Variants in CNR2 observed in about 807,000 individuals in gnomAD.
CNR2 encodes the protein cannabinoid receptor 2 (macrophage).
For synonymous variants in CNR2, 172 were observed against 182.2 expected (o/e 0.94, Z 0.45); for missense variants, 379 against 439.9 (o/e 0.86, Z 1.24).
At chr1:23,906,678 G>A (rs924122454) in intron 1 of CNR2, among the ~76,000 whole-genome samples, 5 of 150,828 alleles carry the variant, frequency 3.3e-5, no homozygotes, top group South Asian at 2.1e-4. Context: ...CACCGCACCC[G>A]GCCAATTCAT....
At chr1:23,882,345 G>C (rs1435089894) in intron 1 of CNR2, among the ~76,000 whole-genome samples, 2 of 152,058 alleles carry the variant, frequency 1.3e-5, no homozygotes, top group African/African-American at 4.8e-5. Context: ...CACGTTACCA[G>C]TCTGATGTGT....
chr1:23,876,687 T>C (rs1639881263), intron 1 of CNR2, among the ~76,000 whole-genome samples: 1 of 151,772 alleles, frequency 6.6e-6, no homozygotes, highest in Admixed American at 6.6e-5. Flanking sequence ...TACAAAAAAT[T>C]AGCTGGGCGT....
intron 1 of CNR2, among the ~76,000 whole-genome samples, chr1:23,895,648 A>G (rs916021500): frequency 1.3e-5 from 2 of 152,162 alleles, no homozygotes; most frequent in Non-Finnish European, 2.9e-5. Flanking sequence ...CTGGGAGTAC[A>G]GGTGCGCGCC....
intron 1 of CNR2, among the ~76,000 whole-genome samples, chr1:23,905,274 G>A (rs1020985373): frequency 1.3e-5 from 2 of 149,300 alleles, no homozygotes; most frequent in African/African-American, 2.5e-5. Flanking sequence ...TCCGCCTCCC[G>A]GGTTCAATCG....
At chr1:23,882,455 G>A (rs1640007789) in intron 1 of CNR2, among the ~76,000 whole-genome samples, 1 of 152,130 alleles carries the variant, frequency 6.6e-6, no homozygotes, top group Admixed American at 6.6e-5. Context: ...GAAATTGTGA[G>A]ACATTAAAAT....
At chr1:23,876,915 T>C (rs1639893016) in intron 1 of CNR2, among the ~76,000 whole-genome samples, 1 of 151,424 alleles carries the variant, frequency 6.6e-6, no homozygotes, top group Non-Finnish European at 1.5e-5. Flanking sequence ...GAAAAAACCC[T>C]CAGGAACCTA....
chr1:23,906,737 T>C (rs2148471391), intron 1 of CNR2, among the ~76,000 whole-genome samples: 1 of 151,794 alleles, frequency 6.6e-6, no homozygotes. Flanking sequence ...ATAAAATAGG[T>C]TTCATTTAGC....
chr1:23,891,275 T>TTGTGTGTGTGTGTGTGTGTG (rs57856234), intron 1 of CNR2, among the ~76,000 whole-genome samples: 123 of 150,434 alleles, frequency 8.2e-4, no homozygotes, highest in African/African-American at 2.8e-3. Context: ...ACCAAATCTT[T>TTGTGTGTGTGTGTGTGTGTG]TGTGTGTGTG....
At chr1:23,904,204 G>A (rs1273055595) in intron 1 of CNR2, among the ~76,000 whole-genome samples, 2 of 140,074 alleles carry the variant, frequency 1.4e-5, no homozygotes, top group Admixed American at 7.6e-5. Context: ...TTGGAGTCTC[G>A]CTCTGTCACC....
Position 23,875,030 on chromosome 1 carries a change from C to G in CNR2, c.588G>C (p.Leu196=). ...TTCCGGAAAAGAGGAAGGCGATGAA[C>G]AGGAGCCAGCTCAGCAGGTAGTCAT... is the stretch of plus-strand genomic sequence containing the variant. ...IPNDYLLSWL[L]FIAFLFSGII... Residue 196 remains leucine (L), a synonymous_variant, in exon 2 of 2, where the codon CTG becomes CTC. Coordinates refer to ENST00000374472, the MANE Select transcript of CNR2 (RefSeq NM_001841.3). 1 of 1,608,582 alleles carries G rather than the reference C, an allele frequency of 6.2e-7. No individual in the cohort carries two copies. The highest frequency in any genetic ancestry group is 1.1e-5 in the South Asian group (1 of 89,986).
Position 23,883,584 on chromosome 1 carries a change from G to A in CNR2, c.-45-7922C>T, listed in dbSNP as rs559216827. 1.6e-3 allele frequency among the ~76,000 whole-genome samples: 237 copies of A among 152,264 alleles called. 1 individual carries two copies. Among genetic ancestry groups the A allele is most frequent in the African/African-American group, 5.0e-3 (209 of 41,558 alleles). On this transcript the variant is annotated intron_variant, in intron 1 of 1. Coordinates refer to ENST00000374472, the MANE Select transcript of CNR2 (RefSeq NM_001841.3). Reference sequence around the variant, plus strand: ...TCATGCTTGTAATCCTAGCACTTTGGGAGGCCGAAACAGGCGAATTGCCTG... The same window carrying A: ...TCATGCTTGTAATCCTAGCACTTTGAGAGGCCGAAACAGGCGAATTGCCTG...
In CNR2 at chr1:23,874,846, A is replaced by G; in HGVS notation, c.772T>C (p.Trp258Arg). The change falls in exon 2 of 2, where the codon TGG (tryptophan) becomes CGG (arginine). Residue 258 changes from tryptophan to arginine, a missense_variant. Physicochemically the swap from Trp to Arg is moderately radical, Grantham distance 101 (BLOSUM62 -3). Coordinates refer to ENST00000374472, the MANE Select transcript of CNR2 (RefSeq NM_001841.3). ...GLVLAVLLICWFPVLALMAHS... is the reference protein window; with the variant it reads ...GLVLAVLLICRFPVLALMAHS... Reference sequence around the variant, plus strand: ...GCCATGAGGGCCAGCACTGGGAACCAACAGATGAGGAGCACAGCCAACACT... The same window carrying G: ...GCCATGAGGGCCAGCACTGGGAACCGACAGATGAGGAGCACAGCCAACACT... The G allele has an allele frequency of 6.2e-7, 1 of 1,614,092 alleles. No individual in the cohort carries two copies.
rs1570697129 is a variant in CNR2, at chr1:23,873,855, T to A, written c.*680A>T. On this transcript the variant is annotated 3_prime_UTR_variant, in exon 2 of 2. Coordinates refer to ENST00000374472, the MANE Select transcript of CNR2 (RefSeq NM_001841.3). The stretch of plus-strand genomic sequence containing the variant: ...AGGGTCAAGAAAATTCTCCAAAGAT[T>A]TTTGTGTCTCAGGCGATCCCAGCCT... The A allele has an allele frequency of 6.6e-6, 1 of 152,248 alleles. No homozygotes were observed. The highest frequency in any genetic ancestry group is 1.5e-5 in the Non-Finnish European group (1 of 68,026). The allele number at this position is 152,248 out of a possible 1,614,324, so 9.4% of individuals were successfully genotyped here. A position where few individuals can be genotyped will look rare whatever the true frequency, so the allele number is the denominator to read the frequency against.
chr1:23,888,204 T>C lies in CNR2; in HGVS notation c.-45-12542A>G, dbSNP rs111743754. 9.2e-5 allele frequency among the ~76,000 whole-genome samples: 14 copies of C among 152,334 alleles called. 1 individual carries two copies. Among genetic ancestry groups the C allele is most frequent in the African/African-American group, 3.4e-4 (14 of 41,582 alleles). On this transcript the variant is annotated intron_variant, in intron 1 of 1. Transcript: ENST00000374472. ...AAATAGACACTTTCCTGCACTCCGT[T>C]CGGTCTCTCTGGTTCCTTAATTTCC... is the stretch of plus-strand genomic sequence containing the variant.
Position 23,875,323 on chromosome 1 carries a change from C to T in CNR2, c.295G>A (p.Gly99Ser). 2 of 1,614,240 alleles carry T rather than the reference C, an allele frequency of 1.2e-6. No homozygotes were observed. The highest frequency in any genetic ancestry group is 1.7e-6 in the Non-Finnish European group (2 of 1,180,056). The change falls in exon 2 of 2, where the codon GGT becomes AGT. Residue 99 changes from glycine (G) to serine (S), a missense_variant. Coordinates refer to ENST00000374472, the MANE Select transcript of CNR2 (RefSeq NM_001841.3). Reference sequence around the variant, plus strand: ...AGGAAGACAGCCTTGGAATCCACACCATGGAAAACATGGAAATTCACAAAG... The same window carrying T: ...AGGAAGACAGCCTTGGAATCCACACTATGGAAAACATGGAAATTCACAAAG... ...CSFVNFHVFH[G>S]VDSKAVFLLK...
chr1:23,886,248 G>T (rs1402573817), intron 1 of CNR2, among the ~76,000 whole-genome samples: 1 of 151,198 alleles, frequency 6.6e-6, no homozygotes, highest in African/African-American at 2.4e-5. Context: ...ATAAATGTCA[G>T]TTCTTATTAC....
At chr1:23,906,864 C>G (rs1640493859) in intron 1 of CNR2, among the ~76,000 whole-genome samples, 1 of 150,818 alleles carries the variant, frequency 6.6e-6, no homozygotes, top group East Asian at 1.9e-4. Context: ...TGCACTCCAG[C>G]CTGGGTGACA....
intron 1 of CNR2, chr1:23,906,968 C>T (rs887631917): frequency 3.3e-5 from 5 of 151,796 alleles, no homozygotes; most frequent in African/African-American, 1.2e-4. Context: ...AGGTGTAGAT[C>T]TCTTTTATAC....
intron 1 of CNR2, among the ~76,000 whole-genome samples, chr1:23,910,330 C>A (rs1640563130): frequency 6.6e-6 from 1 of 151,536 alleles, no homozygotes; most frequent in African/African-American, 2.4e-5. Context: ...TGATAGCAGC[C>A]CCCTCCTAGG....
Sources: gnomAD v4.1 joint callset for allele counts (sites outside exome capture counted in the v4.1 genomes callset) on GRCh38, gnomAD v4.1.1 for gene constraint, MANE v1.5 for transcripts, NCBI Gene and HGNC (gene_info 2026-07-23, HGNC 2026-07-21) for gene names.